Variants in CCM2 observed in about 807,000 individuals in gnomAD.
CCM2 encodes cerebral cavernous malformations 2 protein.
CCM2 carries 25 observed loss-of-function variants against 44.9 expected under a neutral mutation model. That is an observed-to-expected ratio of 0.56 (90% CI 0.41 to 0.78). The LOEUF (loss-of-function observed/expected upper bound fraction) is 0.78. CCM2 is among the 30% of genes least tolerant of loss of function. The pLI, the probability that CCM2 is intolerant of heterozygous loss-of-function variation, is 0.00. For missense variants in CCM2, 481 were observed against 580.6 expected (o/e 0.83, Z 1.76); for synonymous variants, 219 against 241.1 (o/e 0.91, Z 0.85).
chr7:45,002,567 CT>C (rs142240277), intron 1 of CCM2, among the ~76,000 whole-genome samples: 1 of 150,534 alleles, frequency 6.6e-6, no homozygotes, highest in Non-Finnish European at 1.5e-5. Context: ...GTGATTCAGG[CT>C]TTTTTTTACC....
chr7:45,053,405 C>T (rs761919316), intron 2 of CCM2, among the ~76,000 whole-genome samples: 2 of 152,192 alleles, frequency 1.3e-5, no homozygotes, highest in Non-Finnish European at 2.9e-5. Flanking sequence ...TCACCTTAGC[C>T]TTCTGCTTAT....
At chr7:45,030,458 A>C (rs534828612) in intron 1 of CCM2, among the ~76,000 whole-genome samples, 1 of 152,322 alleles carries the variant, frequency 6.6e-6, no homozygotes, top group East Asian at 1.9e-4. Flanking sequence ...TTCCTTCCAG[A>C]CAGGGTCTCA....
At chr7:45,039,636 A>G (rs991761876) in intron 2 of CCM2, among the ~76,000 whole-genome samples, 1 of 152,264 alleles carries the variant, frequency 6.6e-6, no homozygotes, top group Admixed American at 6.5e-5. Context: ...GTAAAAGTAT[A>G]TAATATTTTC....
intron 1 of CCM2, among the ~76,000 whole-genome samples, chr7:45,001,701 A>AT (rs61494508): frequency 0.058 from 8,849 of 151,678 alleles, 323 homozygotes; most frequent in African/African-American, 0.095. Context: ...GAATTGAGTG[A>AT]TTTTTTTTTC....
chr7:45,070,101 T>G, intron 6 of CCM2, 140 bp downstream of exon 6: 2 of 1,076,370 alleles, frequency 1.9e-6, no homozygotes, highest in Non-Finnish European at 2.7e-6. Context: ...CAGACTTTGC[T>G]GTTCACATTA....
At chr7:45,046,294 A>G (rs935190460) in intron 2 of CCM2, among the ~76,000 whole-genome samples, 48 of 152,244 alleles carry the variant, frequency 3.2e-4, no homozygotes, top group African/African-American at 1.1e-3. Context: ...TAGAATAGCT[A>G]ATAATAATTT....
At chr7:45,002,736 A>G (rs1334096048) in intron 1 of CCM2, among the ~76,000 whole-genome samples, 2 of 152,048 alleles carry the variant, frequency 1.3e-5, no homozygotes, top group Non-Finnish European at 2.9e-5. Flanking sequence ...GGTTTCCTCA[A>G]GTGGGCCATG....
chr7:45,074,101 C>A lies in CCM2; in HGVS notation c.916-169C>A, dbSNP rs1348365039. 2.3e-5 allele frequency: 33 copies of A among 1,444,174 alleles called. No homozygotes were observed. In the Admixed American group the frequency reaches 6.9e-4, roughly 30 times the overall value. The allele number at this position is 1,444,174 out of a possible 1,614,324, so 89.5% of individuals were successfully genotyped here. ...TCCTCTGGGTGGCCCCGTGCCAGGTCTGGTAGGATGGGGACACATTGTGGT... is the reference window on the plus strand; with the variant it reads ...TCCTCTGGGTGGCCCCGTGCCAGGTATGGTAGGATGGGGACACATTGTGGT... On this transcript the variant is annotated intron_variant, in intron 8 of 9. Transcript: ENST00000258781.
chr7:45,015,792 A>C (rs1796241604), intron 1 of CCM2, among the ~76,000 whole-genome samples: 1 of 152,284 alleles, frequency 6.6e-6, no homozygotes, highest in African/African-American at 2.4e-5. Flanking sequence ...TAGAGAGCTC[A>C]TCTCTGGACA....
intron 1 of CCM2, among the ~76,000 whole-genome samples, chr7:45,025,953 G>A (rs1796672900): frequency 6.6e-6 from 1 of 152,148 alleles, no homozygotes; most frequent in Non-Finnish European, 1.5e-5. Context: ...TTGTTCTTTG[G>A]CTTTTCTCTC....
At chr7:45,014,391 G>A (rs900581380) in intron 1 of CCM2, among the ~76,000 whole-genome samples, 5 of 151,898 alleles carry the variant, frequency 3.3e-5, no homozygotes, top group South Asian at 2.1e-4. Flanking sequence ...CGCCCACCTC[G>A]GCCTCCCAAA....
intron 1 of CCM2, among the ~76,000 whole-genome samples, chr7:45,002,343 T>C (rs1795672268): frequency 6.6e-6 from 1 of 152,264 alleles, no homozygotes; most frequent in South Asian, 2.1e-4. Flanking sequence ...AGGCCAAGGC[T>C]CGATCACTTT....
intron 4 of CCM2, 26 bp downstream of exon 4, chr7:45,064,672 G>T (rs767703057): frequency 2.5e-6 from 4 of 1,612,596 alleles, no homozygotes; most frequent in African/African-American, 1.3e-5. Context: ...GGTCAGGAGG[G>T]TCCTTGTCCT....
chr7:45,074,256 C>A lies in CCM2; in HGVS notation c.916-14C>A. The A allele has an allele frequency of 6.2e-7, 1 of 1,613,406 alleles. No individual in the cohort carries two copies. Among genetic ancestry groups the A allele is most frequent in the South Asian group, 1.1e-5 (1 of 91,072 alleles). On this transcript the variant is annotated splice_polypyrimidine_tract_variant and intron_variant, in intron 8 of 9. Coordinates refer to ENST00000258781, the MANE Select transcript of CCM2 (RefSeq NM_031443.4). The stretch of plus-strand genomic sequence containing the variant: ...ACTGTGCCCAGCCCCCTATCTGGCT[C>A]TGCTCTCTTGCAGCTGCGCACCAAG...
At chr7:45,072,679 C>A (rs766214266) in intron 6 of CCM2, 47 bp from the exon 7 acceptor site, 12 of 1,467,772 alleles carry the variant, frequency 8.2e-6, no homozygotes, top group Non-Finnish European at 9.5e-6. Flanking sequence ...AATGCCTCCC[C>A]ACTATGTCCC....
chr7:45,071,583 T>C (rs1256022794), intron 6 of CCM2: 6 of 344,326 alleles, frequency 1.7e-5, no homozygotes, highest in Non-Finnish European at 1.1e-5. Flanking sequence ...TATTCTCTTA[T>C]AATTCTATAC....
At chr7:45,066,822 A>G (rs1034578175) in intron 4 of CCM2, among the ~76,000 whole-genome samples, 13 of 152,188 alleles carry the variant, frequency 8.5e-5, no homozygotes, top group Non-Finnish European at 1.5e-4. Flanking sequence ...GGGAGCCAAC[A>G]TTTAAAAATG....
At chr7:45,005,174 G>C (rs926270423) in intron 1 of CCM2, among the ~76,000 whole-genome samples, 5 of 152,208 alleles carry the variant, frequency 3.3e-5, no homozygotes, top group Non-Finnish European at 5.9e-5. Context: ...CAGGAGGCTG[G>C]AGAACCAGGC....
intron 2 of CCM2, among the ~76,000 whole-genome samples, chr7:45,044,760 T>C (rs758748021): frequency 1.3e-5 from 2 of 152,222 alleles, no homozygotes; most frequent in Non-Finnish European, 2.9e-5. Flanking sequence ...ATGGAGAATA[T>C]AATTATTTCC....
Sources: gnomAD v4.1 joint callset for allele counts (sites outside exome capture counted in the v4.1 genomes callset) on GRCh38, gnomAD v4.1.1 for gene constraint, MANE v1.5 for transcripts, NCBI Gene and HGNC (gene_info 2026-07-23, HGNC 2026-07-21) for gene names.